The following MED13L variants were observed in gnomAD, a reference collection of about 807,000 sequenced individuals.
MED13L encodes the protein mediator complex subunit 13L, also known as mediator of RNA polymerase II transcription subunit 13-like.
In MED13L, 7 loss-of-function variants were observed where a neutral mutation model predicts 220.9. The ratio of observed to expected loss-of-function variants is 0.03; its 90% CI spans 0.02 to 0.06. The LOEUF is 0.06. Among genes scored for constraint, MED13L ranks in the 10% least tolerant of loss-of-function variants. MED13L has a pLI of 1.00. For synonymous variants in MED13L, 1,011 were observed against 1,015.2 expected (o/e 1.00, Z 0.08); for missense variants, 1,965 against 2,760.5 (o/e 0.71, Z 6.46).
intron 4 of MED13L, among the ~76,000 whole-genome samples, chr12:116,072,449 A>C (rs2137689580): frequency 7.0e-6 from 1 of 143,304 alleles, no homozygotes. Flanking sequence ...TTTACAATAC[A>C]GTTTTTGTTT....
intron 1 of MED13L, among the ~76,000 whole-genome samples, chr12:116,250,776 C>CAAAAAA (rs772459455): frequency 1.3e-5 from 1 of 76,782 alleles, no homozygotes; most frequent in African/African-American, 5.4e-5. Flanking sequence ...GACTCCTCCT[C>CAAAAAA]AAAAAAAAAA....
intron 1 of MED13L, among the ~76,000 whole-genome samples, chr12:116,248,108 C>A (rs973699221): frequency 3.3e-5 from 5 of 152,140 alleles, no homozygotes; most frequent in African/African-American, 7.2e-5. Flanking sequence ...TCTAGCCGCA[C>A]ATTCAATCCT....
intron 1 of MED13L, among the ~76,000 whole-genome samples, chr12:116,252,714 C>CA (rs1277952631): frequency 6.6e-6 from 1 of 151,242 alleles, no homozygotes; most frequent in Non-Finnish European, 1.5e-5. Context: ...AAAAAGAAAA[C>CA]AAAAAGCTGG....
intron 2 of MED13L, among the ~76,000 whole-genome samples, chr12:116,158,294 T>G (rs1412290829): frequency 6.6e-6 from 1 of 152,204 alleles, no homozygotes; most frequent in Non-Finnish European, 1.5e-5. Flanking sequence ...GATGGGATAT[T>G]TGAGGCATTT....
At chr12:116,007,661 A>G in intron 10 of MED13L, 25 bp from the exon 11 acceptor site, 1 of 1,573,058 alleles carries the variant, frequency 6.4e-7, no homozygotes, top group African/African-American at 1.4e-5. Flanking sequence ...AAAAAAAAAA[A>G]AAAAGAGCAT....
At chr12:116,050,791 C>A (rs2137583948) in intron 4 of MED13L, among the ~76,000 whole-genome samples, 1 of 152,064 alleles carries the variant, frequency 6.6e-6, no homozygotes, top group Non-Finnish European at 1.5e-5. Context: ...ACAAAAAAAT[C>A]AGCCAGGCGT....
intron 1 of MED13L, among the ~76,000 whole-genome samples, chr12:116,263,930 C>A (rs1298918402): frequency 1.3e-5 from 2 of 152,180 alleles, no homozygotes; most frequent in Non-Finnish European, 2.9e-5. Flanking sequence ...ACAAAGTACA[C>A]TGAATCGCTA....
intron 4 of MED13L, among the ~76,000 whole-genome samples, chr12:116,046,648 A>C (rs572758256): frequency 1.3e-5 from 2 of 152,302 alleles, no homozygotes; most frequent in Non-Finnish European, 2.9e-5. Context: ...TCTCACTTCT[A>C]TCTGTGTACG....
chr12:116,117,808 G>C (rs1263267391), intron 2 of MED13L, among the ~76,000 whole-genome samples: 2 of 151,874 alleles, frequency 1.3e-5, no homozygotes, highest in Non-Finnish European at 2.9e-5. Flanking sequence ...ACATCTTAAG[G>C]CATTTTTTTA....
At chr12:116,113,905 A>C (rs1874310591) in intron 2 of MED13L, among the ~76,000 whole-genome samples, 1 of 151,242 alleles carries the variant, frequency 6.6e-6, no homozygotes, top group South Asian at 2.1e-4. Context: ...GGGAGAAGAA[A>C]ATAGAATAAC....
chr12:115,998,868 C>T (rs1429545333), intron 14 of MED13L, among the ~76,000 whole-genome samples: 2 of 151,772 alleles, frequency 1.3e-5, no homozygotes, highest in Non-Finnish European at 2.9e-5. Flanking sequence ...TTTCATTATA[C>T]AAAAAAGTAC....
In MED13L at chr12:115,997,119, G is replaced by A. The variant is rs1234463604; in HGVS notation, c.2681C>T (p.Ala894Val). The change falls in exon 15 of 31, where the codon GCA becomes GTA. Residue 894 changes from alanine (A) to valine (V), a missense_variant. Ala to Val is a moderately conservative substitution (Grantham distance 64, BLOSUM62 0). This residue lies in a region of MED13L where 233 missense variants were observed against 306.2 expected (regional missense o/e 0.76). Coordinates refer to ENST00000281928, the MANE Select transcript of MED13L (RefSeq NM_015335.5). ...KDGISSETVT[A>V]LGMMESPMVS... ...CATAGGGCTCTCCATCATGCCTAAT[G>A]CTGTCACTGTCTCTGAGCTGATCCC... 4 of 1,613,858 alleles carry A rather than the reference G, an allele frequency of 2.5e-6. No individual in the cohort carries two copies. The highest frequency in any genetic ancestry group is 2.7e-5 in the African/African-American group (2 of 74,914).
Position 116,022,452 on chromosome 12 carries a change from T to C in MED13L, c.625+4A>G. On this transcript the variant is annotated splice_donor_region_variant and intron_variant, in intron 5 of 30. Transcript: ENST00000281928. ...GGGTGGAGAGCAGGAACACCCATAC[T>C]TACCTTGAAATGGTGCAGGTGAAGA... 6.2e-7 allele frequency: 1 copy of C among 1,613,592 alleles called. No individual in the cohort carries two copies. The highest frequency in any genetic ancestry group is 1.3e-5 in the African/African-American group (1 of 75,036).
In MED13L at chr12:115,970,732, C is replaced by A; in HGVS notation, c.5929G>T (p.Ala1977Ser). The change falls in exon 27 of 31, where the codon GCA becomes TCA. Residue 1977 changes from alanine (A) to serine (S), a missense_variant. This residue lies in a region of MED13L where 145 missense variants were observed against 328.3 expected (regional missense o/e 0.44). Coordinates refer to ENST00000281928, the MANE Select transcript of MED13L (RefSeq NM_015335.5). ...TMGSVFGRSTALNMQSSQLNT... is the reference protein window; with the variant it reads ...TMGSVFGRSTSLNMQSSQLNT... ...AGCTGAGATGACTGCATGTTCAGTG[C>A]AGTACTTCGGCCAAAAACAGAGCCC... 1.2e-6 allele frequency: 2 copies of A among 1,613,964 alleles called. No homozygotes were observed. The highest frequency in any genetic ancestry group is 1.7e-6 in the Non-Finnish European group (2 of 1,179,928).
intron 4 of MED13L, among the ~76,000 whole-genome samples, chr12:116,062,348 T>C (rs1869565862): frequency 6.6e-6 from 1 of 151,944 alleles, no homozygotes; most frequent in South Asian, 2.1e-4. Context: ...GAGACAGTGT[T>C]TCACCATGTT....
chr12:116,201,440 C>T (rs551895200), intron 2 of MED13L, among the ~76,000 whole-genome samples: 3 of 151,548 alleles, frequency 2.0e-5, no homozygotes, highest in South Asian at 2.1e-4. Context: ...ACATTAACCC[C>T]GAGAAATAAA....
intron 2 of MED13L, among the ~76,000 whole-genome samples, chr12:116,207,746 T>A (rs566326549): frequency 1.3e-5 from 2 of 151,554 alleles, no homozygotes; most frequent in East Asian, 3.9e-4. Context: ...TTGCCAAGTA[T>A]CAGTATGAAT....
intron 2 of MED13L, among the ~76,000 whole-genome samples, chr12:116,154,637 G>A (rs1346201693): frequency 6.6e-6 from 1 of 152,058 alleles, no homozygotes; most frequent in African/African-American, 2.4e-5. Flanking sequence ...TAGTGCTTAC[G>A]AGACACATTA....
chr12:116,113,667 T>C lies in MED13L; in HGVS notation c.311-2155A>G, dbSNP rs933300160. Among the ~76,000 whole-genome samples the C allele has an allele frequency of 2.5e-5, 3 of 118,280 alleles. No homozygotes were observed. The Admixed American group carries it at 2.7e-4, about 11-fold the overall frequency. The allele number at this position is 118,280 out of a possible 152,430, so 77.6% of individuals were successfully genotyped here. On this transcript the variant is annotated intron_variant, in intron 2 of 30. Transcript: ENST00000281928. Reference sequence around the variant, plus strand: ...GAGTGAAAGCCTGTCTCATAAAAAATAAATAAAAAGGAGGGAGGGAGGGAG... The same window carrying C: ...GAGTGAAAGCCTGTCTCATAAAAAACAAATAAAAAGGAGGGAGGGAGGGAG...
Sources: gnomAD v4.1 joint callset for allele counts (sites outside exome capture counted in the v4.1 genomes callset) on GRCh38, gnomAD v4.1.1 for gene constraint, gnomAD v4.1.1 regional missense constraint, MANE v1.5 for transcripts, NCBI Gene and HGNC (gene_info 2026-07-23, HGNC 2026-07-21) for gene names.